Variants in CYP2C8 observed in about 807,000 individuals in gnomAD.
The protein encoded by CYP2C8 is cytochrome P450 family 2 subfamily C member 8.
CYP2C8 carries 51 observed loss-of-function variants against 41.3 expected under a neutral mutation model. That is an observed-to-expected ratio of 1.24 (90% CI 0.99 to 1.56). The LOEUF (loss-of-function observed/expected upper bound fraction) is 1.56. CYP2C8 is among the 40% of genes most tolerant of loss of function. The pLI, the probability that CYP2C8 is intolerant of heterozygous loss-of-function variation, is 0.00. For missense variants in CYP2C8, 651 were observed against 579.9 expected (o/e 1.12, Z -1.26); for synonymous variants, 218 against 205.8 (o/e 1.06, Z -0.51).
rs747766000 is a variant in CYP2C8 at position 95,067,584 on chromosome 10, C to T, written c.276G>A (p.Glu92=). 2.5e-6 allele frequency: 4 copies of T among 1,614,152 alleles called. No individual in the cohort carries two copies. The highest frequency in any genetic ancestry group is 1.1e-5 in the South Asian group (1 of 91,078). ...AVKEALIDNG[E]EFSGRGNSPI... is the part of the protein sequence containing the mutation. ...GGGAATTGCCTCTTCCAGAAAACTC[C>T]TCTCCATTATCAATCAGGGCTTCCT... Residue 92 remains glutamate (E), a synonymous_variant, in exon 2 of 9, where the codon GAG becomes GAA. Coordinates refer to ENST00000371270, the MANE Select transcript of CYP2C8 (RefSeq NM_000770.3).
At chr10:95,043,816 G>A (rs1167110809) in intron 6 of CYP2C8, among the ~76,000 whole-genome samples, 1 of 151,162 alleles carries the variant, frequency 6.6e-6, no homozygotes, top group Non-Finnish European at 1.5e-5. Flanking sequence ...ACAATTTCTG[G>A]TTATATCACT....
intron 5 of CYP2C8, among the ~76,000 whole-genome samples, chr10:95,048,721 A>G (rs998421299): frequency 6.6e-6 from 1 of 152,200 alleles, no homozygotes; most frequent in Non-Finnish European, 1.5e-5. Context: ...AGAGCCACCT[A>G]CGCTGGTAGC....
intron 7 of CYP2C8, among the ~76,000 whole-genome samples, chr10:95,042,298 C>T (rs1231635700): frequency 6.6e-6 from 1 of 151,936 alleles, no homozygotes; most frequent in Non-Finnish European, 1.5e-5. Context: ...AGTATATCTA[C>T]AGATAAATTA....
intron 5 of CYP2C8, among the ~76,000 whole-genome samples, chr10:95,057,505 A>T (rs2033336313): frequency 6.6e-6 from 1 of 152,158 alleles, no homozygotes; most frequent in African/African-American, 2.4e-5. Context: ...AAGCCCAAAT[A>T]GTCTTGAAAA....
At chr10:95,046,330 G>T (rs1035612530) in intron 5 of CYP2C8, among the ~76,000 whole-genome samples, 1 of 152,170 alleles carries the variant, frequency 6.6e-6, no homozygotes, top group African/African-American at 2.4e-5. Flanking sequence ...TGAAGGCTGG[G>T]AAGTCCAAGA....
In CYP2C8 at chr10:95,041,636, C is replaced by T. The variant is rs542527152; in HGVS notation, c.1149+1254G>A. 4.0e-5 allele frequency among the ~76,000 whole-genome samples: 6 copies of T among 151,468 alleles called. No homozygotes were observed. In the East Asian group the frequency reaches 5.8e-4, roughly 15 times the overall value. ...CTCTACTAAAAATACAAAAAATTAGCCGGGCGCGGTGGCGGGCGCCTGTAG... is the reference window on the plus strand; with the variant it reads ...CTCTACTAAAAATACAAAAAATTAGTCGGGCGCGGTGGCGGGCGCCTGTAG... On this transcript the variant is annotated intron_variant, in intron 7 of 8. Coordinates refer to ENST00000371270, the MANE Select transcript of CYP2C8 (RefSeq NM_000770.3).
At chr10:95,051,948 G>A (rs920810300) in intron 5 of CYP2C8, among the ~76,000 whole-genome samples, 2 of 151,782 alleles carry the variant, frequency 1.3e-5, no homozygotes, top group Non-Finnish European at 2.9e-5. Flanking sequence ...AAATTAGTAG[G>A]AGAAAAGAAA....
intron 1 of CYP2C8, chr10:95,068,675 A>G (rs1439534035): frequency 8.9e-7 from 1 of 1,128,852 alleles, no homozygotes; most frequent in African/African-American, 1.6e-5. Context: ...TTGCCACTGT[A>G]TTAAATGATT....
intron 8 of CYP2C8, among the ~76,000 whole-genome samples, chr10:95,038,094 T>G (rs2032922058): frequency 6.6e-6 from 1 of 152,044 alleles, no homozygotes; most frequent in Non-Finnish European, 1.5e-5. Flanking sequence ...ACATAAAAGA[T>G]CAAAGAATAA....
chr10:95,068,026 G>A (rs912058764), intron 1 of CYP2C8, among the ~76,000 whole-genome samples: 9 of 152,140 alleles, frequency 5.9e-5, no homozygotes, highest in Non-Finnish European at 1.0e-4. Flanking sequence ...AGTCCCACAG[G>A]TAATATGTAG....
chr10:95,064,378 C>T (rs931086703), intron 4 of CYP2C8, among the ~76,000 whole-genome samples: 11 of 152,186 alleles, frequency 7.2e-5, no homozygotes, highest in Non-Finnish European at 8.8e-5. Context: ...GGATCTCAGA[C>T]TGCTGTGCTG....
chr10:95,062,525 T>C (rs941773824), intron 4 of CYP2C8, among the ~76,000 whole-genome samples: 1 of 152,200 alleles, frequency 6.6e-6, no homozygotes. Context: ...ATTTTGAGCC[T>C]ATGTGCGTCT....
chr10:95,067,567 C>G lies in CYP2C8; in HGVS notation c.293G>C (p.Gly98Ala). 2 of 1,614,162 alleles carry G rather than the reference C, an allele frequency of 1.2e-6. No individual in the cohort carries two copies. The highest frequency in any genetic ancestry group is 1.7e-6 in the Non-Finnish European group (2 of 1,180,026). ...IDNGEEFSGR[G>A]NSPISQRITK... ...AATTCTTTGAGATATTGGGGAATTGCCTCTTCCAGAAAACTCCTCTCCATT... is the reference window on the plus strand; with the variant it reads ...AATTCTTTGAGATATTGGGGAATTGGCTCTTCCAGAAAACTCCTCTCCATT... Residue 98 changes from glycine (G) to alanine (A), a missense_variant, in exon 2 of 9, where the codon GGC (glycine) becomes GCC (alanine). Transcript: ENST00000371270.
intron 5 of CYP2C8, among the ~76,000 whole-genome samples, chr10:95,052,846 T>C (rs1201754417): frequency 6.6e-6 from 1 of 152,068 alleles, no homozygotes. Flanking sequence ...ACATACTAAA[T>C]AGGGAAAAAC....
rs369552457 is a variant in CYP2C8, at chr10:95,067,344, G to T, written c.345C>A (p.Ser115Arg). The T allele has an allele frequency of 3.3e-5, 53 of 1,609,812 alleles. No homozygotes were observed. The highest frequency in any genetic ancestry group is 4.3e-5 in the Non-Finnish European group (51 of 1,179,536). ...GGATCTCCTTCCATCTCTTTCCATT[G>T]CTGGAAATGATTCCTAATAAAAAAA... ...RITKGLGIIS[S>R]NGKRWKEIRR... The change falls in exon 3 of 9, where the codon AGC (serine) becomes AGA (arginine). Residue 115 changes from serine to arginine, a missense_variant. Coordinates refer to ENST00000371270, the MANE Select transcript of CYP2C8 (RefSeq NM_000770.3).
intron 4 of CYP2C8, among the ~76,000 whole-genome samples, chr10:95,063,888 G>T (rs191938430): frequency 6.6e-6 from 1 of 152,304 alleles, no homozygotes; most frequent in East Asian, 1.9e-4. Context: ...GTCTGCTGGA[G>T]GTCCACTCCA....
chr10:95,039,114 G>A (rs759499950), intron 7 of CYP2C8, 76 bp from the exon 8 acceptor site: 90 of 1,331,044 alleles, frequency 6.8e-5, no homozygotes, highest in South Asian at 9.5e-5. Flanking sequence ...ATCACGTAGC[G>A]CCATAACGTT....
chr10:95,059,837 G>T (rs2033387641), intron 4 of CYP2C8, among the ~76,000 whole-genome samples: 1 of 152,174 alleles, frequency 6.6e-6, no homozygotes. Flanking sequence ...GTAAGGAAGG[G>T]ATCCAGTTTC....
At chr10:95,041,237 AT>A (rs561967786) in intron 7 of CYP2C8, among the ~76,000 whole-genome samples, 24 of 152,330 alleles carry the variant, frequency 1.6e-4, no homozygotes, top group African/African-American at 5.5e-4. Context: ...AATCTTAAAG[AT>A]TTCTGATAAA....
Sources: allele counts gnomAD v4.1 joint callset (sites outside exome capture counted in the v4.1 genomes callset), GRCh38; gene constraint gnomAD v4.1.1; transcripts MANE v1.5; gene names NCBI Gene and HGNC (gene_info 2026-07-23, HGNC 2026-07-21).